Variants in SDHAF2 observed in about 807,000 individuals in gnomAD.
SDHAF2 encodes succinate dehydrogenase assembly factor 2, mitochondrial.
A neutral mutation model predicts 18.5 loss-of-function variants in SDHAF2; 21 were observed. The ratio of observed to expected loss-of-function variants is 1.13; its 90% confidence interval spans 0.80 to 1.63. SDHAF2 has a LOEUF of 1.63. Among genes scored for constraint, SDHAF2 ranks in the 40% most tolerant of loss-of-function variants. The pLI is 0.00. For missense variants in SDHAF2, 195 were observed against 200.3 expected (o/e 0.97, Z 0.16); for synonymous variants, 84 against 70.7 (o/e 1.19, Z -0.94).
intron 3 of SDHAF2, 113 bp downstream of exon 3, chr11:61,438,226 T>A (rs1293493717): frequency 1.2e-6 from 1 of 825,844 alleles, no homozygotes; most frequent in South Asian, 1.4e-5. Context: ...TGAGACTGAG[T>A]TTCACTCTCG....
intron 2 of SDHAF2, 22 bp downstream of exon 2, chr11:61,437,870 T>G (rs987209720): frequency 5.6e-6 from 9 of 1,607,726 alleles, no homozygotes; most frequent in Non-Finnish European, 7.7e-6. Flanking sequence ...GGAGTCTTTT[T>G]TTTTAAATCG....
At chr11:61,437,153 C>T (rs1862003437) in intron 1 of SDHAF2, among the ~76,000 whole-genome samples, 1 of 152,176 alleles carries the variant, frequency 6.6e-6, no homozygotes, top group Non-Finnish European at 1.5e-5. Flanking sequence ...TCCTGAGCCT[C>T]TGTTTCCTTG....
chr11:61,433,740 C>G (rs892066269), intron 1 of SDHAF2: 1 of 152,232 alleles, frequency 6.6e-6, no homozygotes, highest in African/African-American at 2.4e-5. Context: ...ACTAGGGCTG[C>G]TATAACCTGT....
chr11:61,437,983 T>C (rs778298433), intron 2 of SDHAF2, 21 bp from the exon 3 acceptor site: 115 of 1,611,062 alleles, frequency 7.1e-5, no homozygotes, highest in Middle Eastern at 6.7e-4. Context: ...CTCTTTTTCT[T>C]TTTTTCTTTC....
chr11:61,434,525 C>T (rs1184549831), intron 1 of SDHAF2: 1 of 150,424 alleles, frequency 6.6e-6, no homozygotes, highest in Non-Finnish European at 1.5e-5. Context: ...TCTTATACGA[C>T]TCTCATAATG....
At chr11:61,441,752 A>G (rs1408375840) in intron 3 of SDHAF2, among the ~76,000 whole-genome samples, 1 of 152,128 alleles carries the variant, frequency 6.6e-6, no homozygotes, top group Admixed American at 6.6e-5. Flanking sequence ...AGAAGTATAT[A>G]TTGGTACATC....
chr11:61,433,770 T>G (rs1312153276), intron 1 of SDHAF2: 1 of 152,242 alleles, frequency 6.6e-6, no homozygotes, highest in African/African-American at 2.4e-5. Context: ...AGAACAGAAA[T>G]TAATTTTCTC....
At chr11:61,443,622 G>A (rs1020128316) in intron 3 of SDHAF2, among the ~76,000 whole-genome samples, 6 of 152,142 alleles carry the variant, frequency 3.9e-5, no homozygotes, top group East Asian at 3.8e-4. Flanking sequence ...TAGCGTTAAC[G>A]TGTGCTTAGA....
In SDHAF2 at chr11:61,446,128, T is replaced by C; in HGVS notation, c.*57T>C. The C allele has an allele frequency of 1.1e-5, 17 of 1,606,030 alleles. No individual in the cohort carries two copies. Among genetic ancestry groups the C allele is most frequent in the Non-Finnish European group, 1.4e-5 (17 of 1,173,658 alleles). On this transcript the variant is annotated 3_prime_UTR_variant, in exon 4 of 4. Coordinates refer to ENST00000301761, the MANE Select transcript of SDHAF2 (RefSeq NM_017841.4). ...GTCTGTGGATGGTAACTACTTATGA[T>C]GGACGTTAGCCTTGCTTCCGGCTTC...
intron 3 of SDHAF2, among the ~76,000 whole-genome samples, chr11:61,440,651 A>G (rs74573544): frequency 0.041 from 6,261 of 152,220 alleles, 441 homozygotes; most frequent in African/African-American, 0.14. Flanking sequence ...ATAGGTAAAT[A>G]TAGATAGTAA....
At chr11:61,438,170 G>T in intron 3 of SDHAF2, 57 bp downstream of exon 3, 1 of 1,271,144 alleles carries the variant, frequency 7.9e-7, no homozygotes, top group Non-Finnish European at 1.1e-6. Context: ...GCTGATTTGA[G>T]TCTAGAATTG....
At chr11:61,437,919 C>A in intron 2 of SDHAF2, 71 bp downstream of exon 2, 1 of 1,534,008 alleles carries the variant, frequency 6.5e-7, no homozygotes, top group South Asian at 1.1e-5. Flanking sequence ...GAGAGACTCC[C>A]AGGAGTAGGA....
At chr11:61,440,394 G>A (rs1359982707) in intron 3 of SDHAF2, among the ~76,000 whole-genome samples, 1 of 152,138 alleles carries the variant, frequency 6.6e-6, no homozygotes, top group African/African-American at 2.4e-5. Flanking sequence ...GAGGCCAGGA[G>A]ATCGAGACCT....
intron 1 of SDHAF2, 66 bp downstream of exon 1, chr11:61,430,248 T>C: frequency 1.3e-6 from 2 of 1,599,932 alleles, no homozygotes; most frequent in Non-Finnish European, 1.7e-6. Context: ...TGTCTTCCTC[T>C]GTGGTCTCTA....
chr11:61,430,389 T>C (rs1590760083), intron 1 of SDHAF2: 4 of 645,832 alleles, frequency 6.2e-6, no homozygotes, highest in South Asian at 1.9e-5. Context: ...TCTGGAAATA[T>C]CTGCTTAAAC....
At chr11:61,442,753 G>A (rs1862084507) in intron 3 of SDHAF2, among the ~76,000 whole-genome samples, 1 of 151,886 alleles carries the variant, frequency 6.6e-6, no homozygotes. Flanking sequence ...CTGTTGTGGG[G>A]GTTTTGTTTT....
Position 61,430,161 on chromosome 11 carries a change from A to G in SDHAF2, c.15A>G (p.Thr5=), listed in dbSNP as rs144511254. The G allele has an allele frequency of 7.8e-5, 126 of 1,614,176 alleles. No individual in the cohort carries two copies. Among genetic ancestry groups the G allele is most frequent in the African/African-American group, 3.6e-4 (27 of 75,074 alleles). ...AGGTGGGGAAAATGGCGGTGTCTAC[A>G]GTGTTCTCGACTTCGTCGCTGGTGA... MAVS[T]VFSTSSLMLA... Residue 5 remains threonine, a synonymous_variant, in exon 1 of 4, where the codon ACA becomes ACG. Transcript: ENST00000301761.
rs1025395122 is a variant in SDHAF2, at chr11:61,441,044, A to G, written c.370+2931A>G. On this transcript the variant is annotated intron_variant, in intron 3 of 3. Coordinates refer to ENST00000301761, the MANE Select transcript of SDHAF2 (RefSeq NM_017841.4). ...AGACCCCCTATCTCCAAAAATAAAA[A>G]TAAGTTAGCTGGGCTTGGTGGTGCA... Among the ~76,000 whole-genome samples, 104 of 152,088 alleles carry G rather than the reference A, an allele frequency of 6.8e-4. 1 individual carries two copies. The highest frequency in any genetic ancestry group is 2.3e-3 in the African/African-American group (96 of 41,410).
At chr11:61,438,228 T>G in intron 3 of SDHAF2, 115 bp downstream of exon 3, 1 of 814,874 alleles carries the variant, frequency 1.2e-6, no homozygotes, top group Non-Finnish European at 2.1e-6. Context: ...AGACTGAGTT[T>G]CACTCTCGTT....
Sources: gnomAD v4.1 joint callset for allele counts (sites outside exome capture counted in the v4.1 genomes callset) on GRCh38, gnomAD v4.1.1 for gene constraint, MANE v1.5 for transcripts, NCBI Gene and HGNC (gene_info 2026-07-23, HGNC 2026-07-21) for gene names.